Variants in DOCK3 observed in about 807,000 individuals in gnomAD.
DOCK3 encodes the protein dedicator of cytokinesis protein 3.
In DOCK3, 60 loss-of-function variants were observed where a neutral mutation model predicts 265.6. The observed-to-expected ratio is 0.23, with a 90% CI of 0.18 to 0.28. The LOEUF (loss-of-function observed/expected upper bound fraction) is 0.28. DOCK3 is among the 10% of genes least tolerant of loss of function. The pLI is 1.00. For missense variants in DOCK3, 1,981 were observed against 2,594.3 expected (o/e 0.76, Z 5.14); for synonymous variants, 881 against 938.0 (o/e 0.94, Z 1.11).
intron 9 of DOCK3, among the ~76,000 whole-genome samples, chr3:51,123,928 T>C (rs1265915546): frequency 1.3e-5 from 2 of 152,206 alleles, no homozygotes; most frequent in Admixed American, 6.5e-5. Flanking sequence ...AGGCCTGCTA[T>C]GTTAACTCTT....
chr3:50,862,268 C>T (rs1159927158), intron 3 of DOCK3, among the ~76,000 whole-genome samples: 1 of 152,172 alleles, frequency 6.6e-6, no homozygotes, highest in Admixed American at 6.5e-5. Flanking sequence ...TTTGTTGTAG[C>T]CATGTATTGG....
chr3:50,909,945 C>T (rs1471405258), intron 4 of DOCK3, among the ~76,000 whole-genome samples: 1 of 151,892 alleles, frequency 6.6e-6, no homozygotes, highest in Non-Finnish European at 1.5e-5. Context: ...CTATTCTTGT[C>T]TGCCTGTATT....
chr3:51,296,490 T>TA (rs1324209436), intron 27 of DOCK3, among the ~76,000 whole-genome samples: 1 of 151,820 alleles, frequency 6.6e-6, no homozygotes, highest in Non-Finnish European at 1.5e-5. Context: ...TTTTTTTTTT[T>TA]TTTTGAGATG....
At chr3:51,151,925 A>G (rs1042458246) in intron 10 of DOCK3, among the ~76,000 whole-genome samples, 5 of 152,048 alleles carry the variant, frequency 3.3e-5, no homozygotes, top group Admixed American at 6.6e-5. Context: ...GCTGCCCTTA[A>G]CATTTTTTCC....
At chr3:50,757,716 C>T (rs2040250021) in intron 1 of DOCK3, among the ~76,000 whole-genome samples, 1 of 152,018 alleles carries the variant, frequency 6.6e-6, no homozygotes, top group African/African-American at 2.4e-5. Flanking sequence ...AGATTTACTC[C>T]TGTTTAAGAA....
chr3:51,081,064 A>C (rs184389248), intron 7 of DOCK3, among the ~76,000 whole-genome samples: 1 of 152,310 alleles, frequency 6.6e-6, no homozygotes, highest in African/African-American at 2.4e-5. Context: ...ATTAATACTC[A>C]ATAATGATTA....
chr3:51,263,871 C>A (rs1009649141), intron 23 of DOCK3, among the ~76,000 whole-genome samples: 2 of 152,128 alleles, frequency 1.3e-5, no homozygotes, highest in Non-Finnish European at 2.9e-5. Context: ...TGCTAATTAT[C>A]CAAAATATAT....
In DOCK3 at chr3:51,184,684, G is replaced by A. The variant is rs529356971; in HGVS notation, c.1037+23982G>A. 6.6e-5 allele frequency among the ~76,000 whole-genome samples: 10 copies of A among 152,228 alleles called. 1 individual carries two copies. The South Asian group carries it at 1.9e-3, about 28-fold the overall frequency. The stretch of plus-strand genomic sequence containing the variant: ...CTTATGTAGAAGAATTTCAAGTAAC[G>A]TATGCATATAGATACTCAGCCATCA... On this transcript the variant is annotated intron_variant, in intron 12 of 52. Transcript: ENST00000266037.
At chr3:50,738,472 G>A (rs937206617) in intron 1 of DOCK3, among the ~76,000 whole-genome samples, 13 of 152,194 alleles carry the variant, frequency 8.5e-5, no homozygotes, top group African/African-American at 2.9e-4. Context: ...TGGCATGCTC[G>A]CAGTCATTTT....
At chr3:50,686,778 A>G (rs1177044396) in intron 1 of DOCK3, among the ~76,000 whole-genome samples, 1 of 151,574 alleles carries the variant, frequency 6.6e-6, no homozygotes, top group Non-Finnish European at 1.5e-5. Flanking sequence ...GCGTGGTGGC[A>G]CGCACCTATA....
intron 9 of DOCK3, among the ~76,000 whole-genome samples, chr3:51,097,105 C>T (rs920687477): frequency 3.3e-5 from 5 of 152,238 alleles, no homozygotes; most frequent in Non-Finnish European, 7.3e-5. Context: ...CTTGAGGAGA[C>T]AGTCTGTCCC....
At chr3:51,047,605 A>G (rs927040227) in intron 5 of DOCK3, among the ~76,000 whole-genome samples, 8 of 152,160 alleles carry the variant, frequency 5.3e-5, no homozygotes, top group Non-Finnish European at 1.2e-4. Context: ...ATGATGGACT[A>G]TTATGAATAA....
At chr3:51,314,935 G>A in intron 31 of DOCK3, 45 bp from the exon 32 acceptor site, 1 of 1,545,482 alleles carries the variant, frequency 6.5e-7, no homozygotes, top group Non-Finnish European at 8.8e-7. Context: ...ATCTTCCATG[G>A]AAGGAGCAAA....
intron 2 of DOCK3, among the ~76,000 whole-genome samples, chr3:50,840,696 G>A (rs1005444074): frequency 4.6e-5 from 7 of 152,076 alleles, no homozygotes; most frequent in African/African-American, 1.4e-4. Context: ...TTTCTGTTAC[G>A]TTTCTTAAAA....
rs1459840023 is a variant in DOCK3, at chr3:51,374,145, G to C, written c.5294-324G>C. 2.6e-5 allele frequency among the ~76,000 whole-genome samples: 4 copies of C among 152,178 alleles called. No homozygotes were observed. The highest frequency in any genetic ancestry group is 9.7e-5 in the African/African-American group (4 of 41,438). Reference sequence around the variant, plus strand: ...TACAGGCCACACCCATTTCCTGATAGTGCTTGATGCAGGGAGCCCCTAGCC... The same window carrying C: ...TACAGGCCACACCCATTTCCTGATACTGCTTGATGCAGGGAGCCCCTAGCC... On this transcript the variant is annotated intron_variant, in intron 49 of 52. Transcript: ENST00000266037. The surrounding 1 kb of genome is among the most constrained non-coding windows in gnomAD (Gnocchi z 4.8).
intron 2 of DOCK3, among the ~76,000 whole-genome samples, chr3:50,817,101 G>A (rs980201452): frequency 2.0e-5 from 3 of 152,164 alleles, no homozygotes; most frequent in African/African-American, 4.8e-5. Context: ...AACATGGGGT[G>A]GATTATTCAT....
chr3:51,054,901 C>G (rs1302955272), intron 5 of DOCK3, among the ~76,000 whole-genome samples: 3 of 152,008 alleles, frequency 2.0e-5, no homozygotes, highest in African/African-American at 7.2e-5. Flanking sequence ...TTATTCTTGT[C>G]ATTGTGTCTG....
At chr3:50,848,849 A>T (rs1179891468) in intron 3 of DOCK3, among the ~76,000 whole-genome samples, 1 of 152,168 alleles carries the variant, frequency 6.6e-6, no homozygotes, top group Non-Finnish European at 1.5e-5. Context: ...TAGTAAGATT[A>T]GGGAAATTTT....
intron 12 of DOCK3, among the ~76,000 whole-genome samples, chr3:51,195,625 C>T (rs888102012): frequency 6.6e-6 from 1 of 152,016 alleles, no homozygotes; most frequent in East Asian, 1.9e-4. Flanking sequence ...ACCATGTTGG[C>T]CAGGCTAGTC....
Sources: allele counts gnomAD v4.1 joint callset (sites outside exome capture counted in the v4.1 genomes callset), GRCh38; gene constraint gnomAD v4.1.1; non-coding constraint Gnocchi (gnomAD v3.1); transcripts MANE v1.5; gene names NCBI Gene and HGNC (gene_info 2026-07-23, HGNC 2026-07-21).